FANCC: variants seen among roughly 807,000 people sequenced by gnomAD.
FANCC encodes FA complementation group C.
A neutral mutation model predicts 71.3 loss-of-function variants in FANCC; 55 were observed. The ratio of observed to expected loss-of-function variants is 0.77; its 90% CI spans 0.62 to 0.97. The LOEUF is 0.97. Ranked by LOEUF, FANCC falls within the 50% of genes least tolerant of loss-of-function variation. FANCC has a pLI of 0.00. For missense variants in FANCC, 678 were observed against 670.9 expected, an observed-to-expected ratio of 1.01 and a Z score of -0.12; for synonymous variants, 275 against 244.9, an observed-to-expected ratio of 1.12 and a Z score of -1.15.
chr9:95,287,274 T>C (rs1212211352), intron 1 of FANCC, among the ~76,000 whole-genome samples: 1 of 152,196 alleles, frequency 6.6e-6, no homozygotes, highest in Admixed American at 6.5e-5. Flanking sequence ...TTTTTATCCA[T>C]AAAAGTCAGT....
At chr9:95,201,750 T>C (rs1827819668) in intron 4 of FANCC, among the ~76,000 whole-genome samples, 1 of 152,204 alleles carries the variant, frequency 6.6e-6, no homozygotes, top group Non-Finnish European at 1.5e-5. Context: ...TTAAATTTGT[T>C]CCTTTTTGCG....
intron 7 of FANCC, among the ~76,000 whole-genome samples, chr9:95,147,368 T>C (rs1829705646): frequency 6.6e-6 from 1 of 152,088 alleles, no homozygotes; most frequent in Non-Finnish European, 1.5e-5. Context: ...AACACAAAAT[T>C]AGCTGGGCGT....
At chr9:95,273,754 A>G (rs1160360201) in intron 1 of FANCC, among the ~76,000 whole-genome samples, 1 of 152,198 alleles carries the variant, frequency 6.6e-6, no homozygotes, top group Non-Finnish European at 1.5e-5. Context: ...AGAGGATGTG[A>G]TTGGCTCAAT....
chr9:95,300,022 G>A (rs1834624564), intron 1 of FANCC, among the ~76,000 whole-genome samples: 1 of 152,166 alleles, frequency 6.6e-6, no homozygotes, highest in Non-Finnish European at 1.5e-5. Flanking sequence ...GACTTTATCA[G>A]TCATTTCTTT....
chr9:95,150,638 C>A (rs529987215), intron 6 of FANCC, among the ~76,000 whole-genome samples: 1 of 152,174 alleles, frequency 6.6e-6, no homozygotes, highest in African/African-American at 2.4e-5. Flanking sequence ...TTAAAAATTC[C>A]GATCACAACA....
chr9:95,114,421 C>T lies in FANCC; in HGVS notation c.1154+208G>A. ...CGATACAGGTATTGGCACATGCATA[C>T]ATGCGCATGCCTATTCATCCTGACC... is the stretch of plus-strand genomic sequence containing the variant. On this transcript the variant is annotated intron_variant, in intron 12 of 14. Coordinates refer to ENST00000289081, the MANE Select transcript of FANCC (RefSeq NM_000136.3). The T allele has an allele frequency of 6.1e-6, 4 of 651,620 alleles. No homozygotes were observed. In the South Asian group the frequency reaches 6.6e-5, roughly 11 times the overall value. The allele number at this position is 651,620 out of a possible 1,614,324, so 40.4% of individuals were successfully genotyped here. A position where few individuals can be genotyped will look rare whatever the true frequency, so the allele number is the denominator to read the frequency against.
rs56271854 is a variant in FANCC at position 95,101,101 on chromosome 9, TAC to T, written c.*604_*605del. 9.7e-3 allele frequency: 2,310 copies of T among 238,522 alleles called. 54 individuals carry two copies. Among genetic ancestry groups the T allele is most frequent in the African/African-American group, 0.047 (2,117 of 45,460 alleles). The allele number at this position is 238,522 out of a possible 1,614,324, so 14.8% of individuals were successfully genotyped here. ...GTAGCAGTTAGCATCATTTAGCAAA[TAC>T]AGAGTGGAAAGAGTGTGCCGGAGGC... On this transcript the variant is annotated 3_prime_UTR_variant, in exon 15 of 15. Transcript: ENST00000289081.
rs889557485 is a variant in FANCC, at chr9:95,234,121, A to C, written c.345+6528T>G. Among the ~76,000 whole-genome samples, 10 of 152,354 alleles carry C rather than the reference A, an allele frequency of 6.6e-5. No homozygotes were observed. In the East Asian group the frequency reaches 1.9e-3, roughly 29 times the overall value. On this transcript the variant is annotated intron_variant, in intron 4 of 14. Transcript: ENST00000289081. ...AGATTAAAAATACTACTATGAATGC[A>C]ACCTAAGAGAACTGGGAAATGGTAG...
At chr9:95,133,650 A>G (rs1487772686) in intron 8 of FANCC, among the ~76,000 whole-genome samples, 1 of 152,226 alleles carries the variant, frequency 6.6e-6, no homozygotes, top group Non-Finnish European at 1.5e-5. Context: ...GAAAGGCTGG[A>G]AAAAAGGCAA....
rs76386703 is a variant in FANCC at position 95,222,366 on chromosome 9, G to A, written c.345+18283C>T. On this transcript the variant is annotated intron_variant, in intron 4 of 14. Coordinates refer to ENST00000289081, the MANE Select transcript of FANCC (RefSeq NM_000136.3). ...GGATAAATCTCAGAAACATTATGCC[G>A]AATGAAGGATGCCAGACACAGAGTA... Among the ~76,000 whole-genome samples, 1,089 of 152,120 alleles carry A rather than the reference G, an allele frequency of 7.2e-3. 11 individuals carry two copies. Among genetic ancestry groups the A allele is most frequent in the African/African-American group, 0.025 (1,033 of 41,488 alleles).
chr9:95,296,401 C>T (rs1453870000), intron 1 of FANCC, among the ~76,000 whole-genome samples: 1 of 152,060 alleles, frequency 6.6e-6, no homozygotes, highest in African/African-American at 2.4e-5. Flanking sequence ...AAAAACTCAA[C>T]AGATCTGAAA....
intron 1 of FANCC, among the ~76,000 whole-genome samples, chr9:95,309,935 A>C (rs1272581808): frequency 6.6e-6 from 1 of 152,190 alleles, no homozygotes; most frequent in Admixed American, 6.5e-5. Context: ...CCTGGAAATA[A>C]CCTGCTTAAA....
chr9:95,246,821 C>A (rs771057594), intron 3 of FANCC, among the ~76,000 whole-genome samples: 3 of 152,160 alleles, frequency 2.0e-5, no homozygotes, highest in Non-Finnish European at 4.4e-5. Flanking sequence ...TGAGGTATAG[C>A]TGTGAAAGAT....
chr9:95,281,669 A>G (rs1833391893), intron 1 of FANCC, among the ~76,000 whole-genome samples: 1 of 152,156 alleles, frequency 6.6e-6, no homozygotes, highest in Non-Finnish European at 1.5e-5. Context: ...TGGTATGTAC[A>G]TCATATATTT....
chr9:95,189,545 T>C (rs1298472559), intron 4 of FANCC, among the ~76,000 whole-genome samples: 1 of 151,944 alleles, frequency 6.6e-6, no homozygotes, highest in African/African-American at 2.4e-5. Flanking sequence ...GGAAATAGAG[T>C]AGGCTTCCCA....
At position 95,151,048 on chromosome 9, in the gene FANCC, C is replaced by T. The variant is rs369381442; in HGVS notation, c.522-961G>A. ...TATAGGTGGCTGGCGGCTACAGTAC[C>T]GAACAGTGCACATTTACAGGATGTG... On this transcript the variant is annotated intron_variant, in intron 6 of 14. Transcript: ENST00000289081. 1.2e-4 allele frequency among the ~76,000 whole-genome samples: 19 copies of T among 152,306 alleles called. No individual in the cohort carries two copies. The East Asian group carries it at 2.5e-3, about 20-fold the overall frequency.
intron 1 of FANCC, among the ~76,000 whole-genome samples, chr9:95,252,875 C>T (rs1783086975): frequency 6.6e-6 from 1 of 151,148 alleles, no homozygotes; most frequent in African/African-American, 2.4e-5. Flanking sequence ...ATACCAAGAC[C>T]CCATCTCTAA....
At chr9:95,195,385 T>C (rs1362442658) in intron 4 of FANCC, among the ~76,000 whole-genome samples, 1 of 152,126 alleles carries the variant, frequency 6.6e-6, no homozygotes, top group Non-Finnish European at 1.5e-5. Context: ...AATTTCTCCA[T>C]TGAATTGCTT....
intron 1 of FANCC, among the ~76,000 whole-genome samples, chr9:95,253,988 C>G (rs1831509351): frequency 6.6e-6 from 1 of 152,200 alleles, no homozygotes. Context: ...ACCAGTGATG[C>G]TCACTGGCCT....
Sources: gnomAD v4.1 joint callset for allele counts (sites outside exome capture counted in the v4.1 genomes callset) on GRCh38, gnomAD v4.1.1 for gene constraint, MANE v1.5 for transcripts, NCBI Gene and HGNC (gene_info 2026-07-23, HGNC 2026-07-21) for gene names.